The following LEPR variants were observed in gnomAD, a reference collection of about 807,000 sequenced individuals.
LEPR encodes leptin receptor, also known as OB receptor.
A neutral mutation model predicts 114.7 loss-of-function variants in LEPR; 56 were observed. The ratio of observed to expected loss-of-function variants is 0.49; its 90% confidence interval spans 0.39 to 0.61. LEPR has a LOEUF of 0.61. LEPR is among the 20% of genes least tolerant of loss of function. The pLI is 0.00. For synonymous variants in LEPR, 443 were observed against 461.4 expected, an observed-to-expected ratio of 0.96 and a Z score of 0.51; for missense variants, 1,202 against 1,352.9, an observed-to-expected ratio of 0.89 and a Z score of 1.75.
At chr1:65,616,285 C>G in intron 15 of LEPR, 61 bp downstream of exon 15, 1 of 1,527,628 alleles carries the variant, frequency 6.5e-7, no homozygotes, top group Non-Finnish European at 9.0e-7. Flanking sequence ...TTTGCAAACT[C>G]TCCTATTTTA....
At chr1:65,607,086 G>A (rs1180567008) in intron 11 of LEPR, among the ~76,000 whole-genome samples, 1 of 152,006 alleles carries the variant, frequency 6.6e-6, no homozygotes, top group African/African-American at 2.4e-5. Context: ...TAAGACATGG[G>A]GAAATAAATC....
At chr1:65,582,437 G>T (rs1036373407) in intron 5 of LEPR, among the ~76,000 whole-genome samples, 2 of 152,154 alleles carry the variant, frequency 1.3e-5, no homozygotes, top group Admixed American at 6.5e-5. Flanking sequence ...TTCCTCCCTG[G>T]CTATCGGCTG....
chr1:65,558,116 CACATCTTG>C (rs2100749201), intron 2 of LEPR, among the ~76,000 whole-genome samples: 1 of 152,266 alleles, frequency 6.6e-6, no homozygotes, highest in Admixed American at 6.5e-5. Flanking sequence ...GTATCTGTGA[CACATCTTG>C]ACTATAAAAC....
At chr1:65,587,776 T>C (rs1325201878) in intron 5 of LEPR, among the ~76,000 whole-genome samples, 2 of 152,060 alleles carry the variant, frequency 1.3e-5, no homozygotes, top group African/African-American at 4.8e-5. Flanking sequence ...ATTCTATTAC[T>C]TGAAAATATA....
At chr1:65,488,481 AC>A (rs1305147499) in intron 2 of LEPR, among the ~76,000 whole-genome samples, 1 of 150,220 alleles carries the variant, frequency 6.7e-6, no homozygotes, top group Non-Finnish European at 1.5e-5. Flanking sequence ...ACAGGTGCAC[AC>A]CACTGTACCT....
Position 65,518,983 on chromosome 1 carries a change from T to C in LEPR, c.-20-46563T>C, listed in dbSNP as rs192094917. ...TTTTTCTTTTCTTTTTCTCTCTCTC[T>C]TTCCTTCCTTCCTTCTTTCTTCTTT... On this transcript the variant is annotated intron_variant, in intron 2 of 19. Coordinates refer to ENST00000349533, the MANE Select transcript of LEPR (RefSeq NM_002303.6). Among the ~76,000 whole-genome samples the C allele has an allele frequency of 2.1e-3, 130 of 63,292 alleles. No individual in the cohort carries two copies. In the East Asian group the frequency reaches 0.023, roughly 11 times the overall value. The allele number at this position is 63,292 out of a possible 152,430, so 41.5% of individuals were successfully genotyped here. A position where few individuals can be genotyped will look rare whatever the true frequency, so the allele number is the denominator to read the frequency against.
chr1:65,606,915 C>T (rs1214137499), intron 11 of LEPR, among the ~76,000 whole-genome samples: 1 of 152,096 alleles, frequency 6.6e-6, no homozygotes, highest in Non-Finnish European at 1.5e-5. Context: ...TTGTTGATTG[C>T]TTAAAAATGA....
chr1:65,517,433 T>C (rs1316964519), intron 2 of LEPR, among the ~76,000 whole-genome samples: 1 of 152,210 alleles, frequency 6.6e-6, no homozygotes, highest in Non-Finnish European at 1.5e-5. Context: ...AAATAAGTTA[T>C]CTCTGATCTC....
intron 2 of LEPR, among the ~76,000 whole-genome samples, chr1:65,437,665 G>T (rs1646582770): frequency 6.6e-6 from 1 of 151,954 alleles, no homozygotes; most frequent in East Asian, 2.0e-4. Context: ...TTATATTTCA[G>T]TGTAAGTAGA....
At chr1:65,605,016 A>G (rs745985726) in intron 10 of LEPR, 22 bp from the exon 11 acceptor site, 16 of 1,609,084 alleles carry the variant, frequency 9.9e-6, no homozygotes, top group Non-Finnish European at 1.1e-5. Flanking sequence ...ATACTAATTG[A>G]CTATTTTTGT....
Position 65,572,366 on chromosome 1 carries a change from A to C in LEPR, c.411A>C (p.Leu137Phe). Residue 137 changes from leucine (L) to phenylalanine (F), a missense_variant, in exon 5 of 20, where the codon TTA (leucine) becomes TTC (phenylalanine). Physicochemically the swap from Leu to Phe is conservative, Grantham distance 22. Transcript: ENST00000349533. The part of the protein sequence containing the change: ...WNIQCWLKGD[L>F]KLFICYVESL... ...TACAGTGCTGGCTAAAAGGAGACTTAAAATTATTCATCTGTTATGTGGAGT... is the reference window on the plus strand; with the variant it reads ...TACAGTGCTGGCTAAAAGGAGACTTCAAATTATTCATCTGTTATGTGGAGT... 6.3e-7 allele frequency: 1 copy of C among 1,592,512 alleles called. No homozygotes were observed. Among genetic ancestry groups the C allele is most frequent in the Non-Finnish European group, 8.5e-7 (1 of 1,169,826 alleles).
At chr1:65,620,681 A>G (rs1192079656) in intron 17 of LEPR, among the ~76,000 whole-genome samples, 1 of 152,228 alleles carries the variant, frequency 6.6e-6, no homozygotes, top group Non-Finnish European at 1.5e-5. Context: ...CCTACTTGAT[A>G]TAGTCAATAG....
At chr1:65,616,638 A>G (rs899563817) in intron 15 of LEPR, among the ~76,000 whole-genome samples, 7 of 152,056 alleles carry the variant, frequency 4.6e-5, no homozygotes, top group Non-Finnish European at 8.8e-5. Context: ...ACTATGTAAA[A>G]TAGTAATAGC....
intron 2 of LEPR, chr1:65,431,758 A>C: frequency 3.1e-6 from 5 of 1,592,462 alleles, no homozygotes; most frequent in Non-Finnish European, 4.3e-6. Context: ...AAAGAGTACA[A>C]TATGAAGGAA....
intron 2 of LEPR, among the ~76,000 whole-genome samples, chr1:65,548,169 G>C (rs374908636): frequency 6.9e-4 from 105 of 152,306 alleles, no homozygotes; most frequent in African/African-American, 2.4e-3. Context: ...TGTGGTCTGA[G>C]AGACAGTTTG....
intron 6 of LEPR, among the ~76,000 whole-genome samples, chr1:65,593,828 T>C (rs1174108515): frequency 1.3e-5 from 2 of 151,978 alleles, no homozygotes; most frequent in South Asian, 2.1e-4. Flanking sequence ...AGTTATACCA[T>C]AGAGAAAAAA....
At chr1:65,520,381 T>A (rs772926023) in intron 2 of LEPR, among the ~76,000 whole-genome samples, 2 of 152,098 alleles carry the variant, frequency 1.3e-5, no homozygotes, top group Non-Finnish European at 2.9e-5. Flanking sequence ...GAAATATGCT[T>A]TTATTATTAT....
chr1:65,593,419 C>T (rs1368205828), intron 6 of LEPR, among the ~76,000 whole-genome samples: 2 of 151,954 alleles, frequency 1.3e-5, no homozygotes, highest in African/African-American at 4.8e-5. Context: ...CAAAGATCCC[C>T]CAAATCTCTT....
chr1:65,607,304 C>A (rs1021689620), intron 11 of LEPR, among the ~76,000 whole-genome samples: 2 of 152,198 alleles, frequency 1.3e-5, no homozygotes, highest in African/African-American at 4.8e-5. Flanking sequence ...CAAGGGCCAT[C>A]TCTCACTTTA....
Sources: gnomAD v4.1 joint callset for allele counts (sites outside exome capture counted in the v4.1 genomes callset) on GRCh38, gnomAD v4.1.1 for gene constraint, MANE v1.5 for transcripts, NCBI Gene and HGNC (gene_info 2026-07-23, HGNC 2026-07-21) for gene names.